The following HS3ST4 variants were observed in gnomAD, a reference collection of about 807,000 sequenced individuals.
HS3ST4 encodes the protein heparan sulfate glucosamine 3-O-sulfotransferase 4.
A neutral mutation model predicts 29.2 loss-of-function variants in HS3ST4; 17 were observed. The ratio of observed to expected loss-of-function variants is 0.58; its 90% CI spans 0.40 to 0.87. HS3ST4 has a LOEUF of 0.87. Ranked by LOEUF, HS3ST4 falls within the 40% of genes least tolerant of loss-of-function variation. The pLI, the probability that HS3ST4 is intolerant of heterozygous loss-of-function variation, is 0.00. For missense variants in HS3ST4, 627 were observed against 634.5 expected (o/e 0.99, Z 0.13); for synonymous variants, 314 against 285.7 (o/e 1.10, Z -1.00).
At chr16:26,065,680 A>T (rs1898533749) in intron 1 of HS3ST4, among the ~76,000 whole-genome samples, 1 of 152,254 alleles carries the variant, frequency 6.6e-6, no homozygotes, top group Non-Finnish European at 1.5e-5. Flanking sequence ...TTGGACAGTC[A>T]GCATAGACTA....
At chr16:26,009,545 C>T (rs1000864762) in intron 1 of HS3ST4, among the ~76,000 whole-genome samples, 2 of 152,188 alleles carry the variant, frequency 1.3e-5, no homozygotes, top group Non-Finnish European at 2.9e-5. Flanking sequence ...ACTGCCTATC[C>T]ATGCTTCCTG....
chr16:26,021,983 G>A (rs1184744628), intron 1 of HS3ST4, among the ~76,000 whole-genome samples: 1 of 150,292 alleles, frequency 6.7e-6, no homozygotes, highest in Admixed American at 6.6e-5. Context: ...TTTTTTGGGG[G>A]ACAGGGTCTT....
At chr16:26,022,293 A>G (rs1969420877) in intron 1 of HS3ST4, among the ~76,000 whole-genome samples, 1 of 152,288 alleles carries the variant, frequency 6.6e-6, no homozygotes, top group Non-Finnish European at 1.5e-5. Flanking sequence ...GCAAAATTGT[A>G]AATACCTTTT....
intron 1 of HS3ST4, among the ~76,000 whole-genome samples, chr16:25,891,929 A>G (rs1379490886): frequency 1.3e-5 from 2 of 152,280 alleles, no homozygotes; most frequent in South Asian, 4.1e-4. Flanking sequence ...ATGAAATGGG[A>G]CTACTAGTTG....
At chr16:26,135,545 G>C in intron 1 of HS3ST4, 67 bp from the exon 2 acceptor site, 1 of 1,453,890 alleles carries the variant, frequency 6.9e-7, no homozygotes, top group Non-Finnish European at 9.2e-7. Flanking sequence ...CACACATTTT[G>C]TGCAAAGAAG....
At chr16:26,134,208 A>T (rs1567320017) in intron 1 of HS3ST4, among the ~76,000 whole-genome samples, 1 of 152,102 alleles carries the variant, frequency 6.6e-6, no homozygotes, top group South Asian at 2.1e-4. Flanking sequence ...TGACCCTGGT[A>T]TGGGATCTGT....
At chr16:25,919,071 G>C (rs918167264) in intron 1 of HS3ST4, among the ~76,000 whole-genome samples, 3 of 152,146 alleles carry the variant, frequency 2.0e-5, no homozygotes, top group African/African-American at 7.2e-5. Flanking sequence ...TGTCCCCCAG[G>C]CTGGAGTGCA....
At chr16:25,767,300 T>C (rs188183000) in intron 1 of HS3ST4, among the ~76,000 whole-genome samples, 1 of 152,284 alleles carries the variant, frequency 6.6e-6, no homozygotes, top group Non-Finnish European at 1.5e-5. Flanking sequence ...TTGAGGAGTT[T>C]CCTCCTTTCT....
chr16:25,728,039 T>C (rs1966548706), intron 1 of HS3ST4, among the ~76,000 whole-genome samples: 1 of 152,194 alleles, frequency 6.6e-6, no homozygotes, highest in Admixed American at 6.5e-5. Context: ...TCACACTACA[T>C]CATCCAGGGT....
intron 1 of HS3ST4, among the ~76,000 whole-genome samples, chr16:26,093,252 C>T (rs575395266): frequency 5.9e-5 from 9 of 152,282 alleles, no homozygotes; most frequent in Non-Finnish European, 1.0e-4. Flanking sequence ...CCCAACATGG[C>T]GTTTGAGCAC....
At chr16:25,768,525 C>T (rs930799264) in intron 1 of HS3ST4, among the ~76,000 whole-genome samples, 7 of 152,146 alleles carry the variant, frequency 4.6e-5, no homozygotes, top group Non-Finnish European at 7.3e-5. Flanking sequence ...GAAGCCAGAA[C>T]TTGGCTTAGG....
At chr16:25,705,270 A>T (rs1966367702) in intron 1 of HS3ST4, among the ~76,000 whole-genome samples, 1 of 152,200 alleles carries the variant, frequency 6.6e-6, no homozygotes. Context: ...GCAGAGGGTT[A>T]GAGATTTGGG....
In HS3ST4 at chr16:25,844,002, T is replaced by G. The variant is rs117295837; in HGVS notation, c.734+150851T>G. Among the ~76,000 whole-genome samples the G allele has an allele frequency of 3.9e-4, 60 of 152,352 alleles. 1 individual carries two copies. In the East Asian group the frequency reaches 0.011, roughly 28 times the overall value. On this transcript the variant is annotated intron_variant, in intron 1 of 1. Transcript: ENST00000331351. The stretch of plus-strand genomic sequence containing the variant: ...TTTTGCTCCAGTGTAAACTTTATGT[T>G]GTAATTCTTGAGCATATTTGCAAAT...
intron 1 of HS3ST4, among the ~76,000 whole-genome samples, chr16:26,010,201 C>T (rs1180971277): frequency 6.6e-6 from 1 of 152,092 alleles, no homozygotes; most frequent in Admixed American, 6.5e-5. Flanking sequence ...TGCCTGTAAT[C>T]CCAGCACTAT....
At chr16:25,945,368 T>TGCATAATATTCCATA (rs1192497322) in intron 1 of HS3ST4, among the ~76,000 whole-genome samples, 1 of 152,212 alleles carries the variant, frequency 6.6e-6, no homozygotes, top group African/African-American at 2.4e-5. Flanking sequence ...ATTCCATAGA[T>TGCATAATATTCCATA]GACTACACCA....
intron 1 of HS3ST4, chr16:25,825,954 C>G (rs1967210354): frequency 6.6e-6 from 1 of 152,182 alleles, no homozygotes; most frequent in Admixed American, 6.5e-5. Context: ...TCTCTAGGGT[C>G]TTAGAATCTT....
intron 1 of HS3ST4, among the ~76,000 whole-genome samples, chr16:26,056,272 C>T (rs1383260182): frequency 3.9e-5 from 6 of 152,102 alleles, no homozygotes; most frequent in Non-Finnish European, 5.9e-5. Context: ...GGCCAGCAGA[C>T]CAGGTTGGAA....
chr16:25,823,261 T>G (rs1312741702), intron 1 of HS3ST4, among the ~76,000 whole-genome samples: 1 of 152,184 alleles, frequency 6.6e-6, no homozygotes, highest in African/African-American at 2.4e-5. Flanking sequence ...GTTTTCTGCT[T>G]CTTGATTTCC....
At chr16:26,017,797 C>T (rs2141744596) in intron 1 of HS3ST4, among the ~76,000 whole-genome samples, 1 of 152,172 alleles carries the variant, frequency 6.6e-6, no homozygotes, top group African/African-American at 2.4e-5. Context: ...GGATGTTTAG[C>T]CATGAGAGCT....
Sources: gnomAD v4.1 joint callset for allele counts (sites outside exome capture counted in the v4.1 genomes callset) on GRCh38, gnomAD v4.1.1 for gene constraint, MANE v1.5 for transcripts, NCBI Gene and HGNC (gene_info 2026-07-23, HGNC 2026-07-21) for gene names.